Variants in GRAMD4 observed in about 807,000 individuals in gnomAD.
GRAMD4 encodes GRAM domain-containing protein 4.
In GRAMD4, 25 loss-of-function variants were observed where a neutral mutation model predicts 83.9. The observed-to-expected ratio is 0.30, with a 90% CI of 0.22 to 0.42. The LOEUF is 0.42. Ranked by LOEUF, GRAMD4 falls within the 10% of genes least tolerant of loss-of-function variation. The pLI is 1.00. For missense variants in GRAMD4, 593 were observed against 788.7 expected (o/e 0.75, Z 2.97); for synonymous variants, 336 against 320.9 (o/e 1.05, Z -0.50).
At chr22:46,629,011 G>A (rs962491999) in intron 2 of GRAMD4, among the ~76,000 whole-genome samples, 3 of 152,060 alleles carry the variant, frequency 2.0e-5, no homozygotes, top group Non-Finnish European at 4.4e-5. Context: ...GGAGCCCACC[G>A]AGTAGGGGCA....
rs1357500541 is a variant in GRAMD4, at chr22:46,677,158, T to C, written c.1644T>C (p.Phe548=). Residue 548 remains phenylalanine (F), a synonymous_variant, in exon 19 of 19, where the codon TTT becomes TTC. Transcript: ENST00000406902. ...TTCTTCCCTGCCAGCCGCTCGTGTT[T>C]GGTGCCATGGTGCACAGGGATGAGG... The part of the protein sequence containing the change: ...STPSTQKPLV[F]GAMVHRDEAF... 6.2e-7 allele frequency: 1 copy of C among 1,613,522 alleles called. No homozygotes were observed. The highest frequency in any genetic ancestry group is 8.5e-7 in the Non-Finnish European group (1 of 1,179,902).
chr22:46,679,154 G>A lies in GRAMD4; in HGVS notation c.*1903G>A. ...CAATGGCCACACCTCTCTCCCCAGG[G>A]CCCGGCAGTGCCCAAGGATGGGTCC... is the stretch of plus-strand genomic sequence containing the variant. On this transcript the variant is annotated 3_prime_UTR_variant, in exon 19 of 19. Coordinates refer to ENST00000406902, the MANE Select transcript of GRAMD4 (RefSeq NM_015124.5). The A allele has an allele frequency of 6.1e-6, 6 of 985,536 alleles. No homozygotes were observed. Among genetic ancestry groups the A allele is most frequent in the Non-Finnish European group, 7.2e-6 (6 of 830,004 alleles). 61.0% of individuals were successfully genotyped at this position (985,536 alleles called of 1,614,324 possible).
At chr22:46,640,845 T>C (rs2081965421) in intron 3 of GRAMD4, among the ~76,000 whole-genome samples, 2 of 146,196 alleles carry the variant, frequency 1.4e-5, no homozygotes, top group Admixed American at 1.4e-4. Context: ...CGCCGAGGTT[T>C]TGGAGCAAAT....
rs965391958 is a variant in GRAMD4, at chr22:46,601,594, C to T, written c.-50+24304C>T. 3.9e-5 allele frequency among the ~76,000 whole-genome samples: 6 copies of T among 151,958 alleles called. No individual in the cohort carries two copies. The South Asian group carries it at 1.0e-3, about 26-fold the overall frequency. On this transcript the variant is annotated intron_variant, in intron 1 of 1. Coordinates refer to the GRAMD4 transcript ENST00000431155. ...GGGGGATTACCTGAGGTCAGGAGTT[C>T]GAGACCAGTCTGGCAACACGGTGAA...
intron 3 of GRAMD4, 32 bp downstream of exon 3, chr22:46,637,992 G>A (rs572490677): frequency 5.6e-6 from 9 of 1,608,352 alleles, no homozygotes; most frequent in African/African-American, 2.7e-5. Context: ...GAGGGGATGG[G>A]ACAAGGTGGG....
At chr22:46,586,155 T>C (rs553881269) in intron 1 of GRAMD4, among the ~76,000 whole-genome samples, 97 of 151,928 alleles carry the variant, frequency 6.4e-4, no homozygotes, top group African/African-American at 2.2e-3. Context: ...TCGCTGGGGA[T>C]GCCAGCATTC....
At chr22:46,666,956 G>C in intron 10 of GRAMD4, 83 bp downstream of exon 10, 1 of 1,010,028 alleles carries the variant, frequency 9.9e-7, no homozygotes, top group Non-Finnish European at 1.5e-6. Flanking sequence ...GCTCGGGGAA[G>C]CCTCTGGATG....
intron 2 of GRAMD4, among the ~76,000 whole-genome samples, chr22:46,627,379 C>T (rs919882024): frequency 5.3e-5 from 8 of 152,240 alleles, no homozygotes; most frequent in Non-Finnish European, 1.2e-4. Flanking sequence ...GCTGGCTAAG[C>T]CCAGGCTGGG....
At chr22:46,589,523 C>T (rs1434536291) in intron 1 of GRAMD4, among the ~76,000 whole-genome samples, 2 of 151,680 alleles carry the variant, frequency 1.3e-5, no homozygotes, top group Non-Finnish European at 2.9e-5. Flanking sequence ...ATCTGAAGAC[C>T]TGCTGGGGCC....
chr22:46,654,441 C>T (rs1042934623), intron 3 of GRAMD4, among the ~76,000 whole-genome samples: 2 of 152,192 alleles, frequency 1.3e-5, no homozygotes, highest in African/African-American at 2.4e-5. Flanking sequence ...TGGCAGAGCC[C>T]GGCGTGTGAT....
chr22:46,616,777 C>T (rs1257479906), upstream of GRAMD4, among the ~76,000 whole-genome samples: 1 of 116,534 alleles, frequency 8.6e-6, no homozygotes, highest in Non-Finnish European at 1.7e-5. Context: ...CCTGTGCGTG[C>T]AGGTTCCCCT....
upstream of GRAMD4, among the ~76,000 whole-genome samples, chr22:46,616,845 C>G (rs1313407748): frequency 6.5e-4 from 12 of 18,456 alleles, no homozygotes; most frequent in Admixed American, 2.0e-3. Flanking sequence ...CCTGTGTGTA[C>G]GTTCCCCTGT....
In GRAMD4 at chr22:46,675,449, C is replaced by T; in HGVS notation, c.1479-19C>T. The T allele has an allele frequency of 6.3e-7, 1 of 1,588,490 alleles. No individual in the cohort carries two copies. Among genetic ancestry groups the T allele is most frequent in the South Asian group, 1.1e-5 (1 of 90,574 alleles). The stretch of plus-strand genomic sequence containing the variant: ...CTGGTTCAAGAGCCAGGCGACGCCT[C>T]TGTCCGTTCCCCTTCCAGTTACTTG... On this transcript the variant is annotated intron_variant, in intron 16 of 18. Transcript: ENST00000406902.
chr22:46,640,381 T>C (rs2081957966), intron 3 of GRAMD4, among the ~76,000 whole-genome samples: 1 of 152,100 alleles, frequency 6.6e-6, no homozygotes, highest in African/African-American at 2.4e-5. Flanking sequence ...GAGGGACGCC[T>C]GTCCAGGCAG....
intron 4 of GRAMD4, among the ~76,000 whole-genome samples, chr22:46,660,111 C>T (rs948552697): frequency 2.0e-5 from 3 of 152,226 alleles, no homozygotes; most frequent in Non-Finnish European, 2.9e-5. Flanking sequence ...GGATCTGGTC[C>T]TCATCTTTTA....
chr22:46,665,309 C>T (rs2082391082), intron 8 of GRAMD4, among the ~76,000 whole-genome samples: 1 of 152,250 alleles, frequency 6.6e-6, no homozygotes, highest in African/African-American at 2.4e-5. Flanking sequence ...GGTGATGCCC[C>T]AAGTCTGGTG....
At chr22:46,673,937 C>T in intron 15 of GRAMD4, 123 bp downstream of exon 15, 1 of 1,022,166 alleles carries the variant, frequency 9.8e-7, no homozygotes, top group Non-Finnish European at 1.5e-6. Flanking sequence ...CTCAGGATGG[C>T]ATTCACATCC....
chr22:46,607,481 A>T (rs2081376994), intron 1 of GRAMD4, among the ~76,000 whole-genome samples: 1 of 152,170 alleles, frequency 6.6e-6, no homozygotes, highest in Non-Finnish European at 1.5e-5. Context: ...AGGTGCGGCC[A>T]GGAGGCACCG....
chr22:46,619,259 C>A (rs146060634), upstream of GRAMD4, among the ~76,000 whole-genome samples: 515 of 152,326 alleles, frequency 3.4e-3, 2 homozygotes, highest in African/African-American at 0.012. Flanking sequence ...TGTGTGTGTG[C>A]TGGGTCCTTG....
Sources: gnomAD v4.1 joint callset for allele counts (sites outside exome capture counted in the v4.1 genomes callset) on GRCh38, gnomAD v4.1.1 for gene constraint, MANE v1.5 for transcripts, NCBI Gene and HGNC (gene_info 2026-07-23, HGNC 2026-07-21) for gene names.